TENM4: variants seen among roughly 807,000 people sequenced by gnomAD.
The protein encoded by TENM4 is teneurin-4.
Under a neutral mutation model 243.3 loss-of-function variants are expected in TENM4, and 82 were observed. The observed-to-expected ratio is 0.34, with a 90% confidence interval of 0.28 to 0.40. The LOEUF (loss-of-function observed/expected upper bound fraction) is 0.40. Among genes scored for constraint, TENM4 ranks in the 10% least tolerant of loss-of-function variants. TENM4 has a pLI of 1.00. For synonymous variants in TENM4, 1,412 were observed against 1,456.3 expected, an observed-to-expected ratio of 0.97 and a Z score of 0.69; for missense variants, 3,138 against 3,673.3, an observed-to-expected ratio of 0.85 and a Z score of 3.77.
intron 1 of TENM4, among the ~76,000 whole-genome samples, chr11:79,408,060 C>A (rs138409491): frequency 0.014 from 2,122 of 152,106 alleles, 17 homozygotes; most frequent in Middle Eastern, 0.024. Flanking sequence ...CCGGTCACCA[C>A]GCCCAGCTAA....
chr11:79,311,707 C>T (rs1459846581), intron 1 of TENM4, among the ~76,000 whole-genome samples: 1 of 152,088 alleles, frequency 6.6e-6, no homozygotes, highest in African/African-American at 2.4e-5. Context: ...ACATGGTGGC[C>T]ACCACACACG....
intron 4 of TENM4, among the ~76,000 whole-genome samples, chr11:79,143,498 G>A (rs1446790150): frequency 6.6e-6 from 1 of 151,900 alleles, no homozygotes; most frequent in African/African-American, 2.4e-5. Flanking sequence ...GACATAGGGT[G>A]GGGAACATCA....
chr11:78,736,598 A>T (rs991676364), intron 20 of TENM4, among the ~76,000 whole-genome samples: 1 of 152,034 alleles, frequency 6.6e-6, no homozygotes, highest in Non-Finnish European at 1.5e-5. Context: ...GCACACTGTT[A>T]TTTCCAGACT....
At chr11:79,162,426 G>GC (rs1862767858) in intron 3 of TENM4, among the ~76,000 whole-genome samples, 1 of 152,010 alleles carries the variant, frequency 6.6e-6, no homozygotes, top group Admixed American at 6.6e-5. Context: ...AAGTATTAAT[G>GC]CTTAACTAGT....
At chr11:78,736,355 CA>C (rs1274552347) in intron 20 of TENM4, among the ~76,000 whole-genome samples, 1 of 151,896 alleles carries the variant, frequency 6.6e-6, no homozygotes, top group Non-Finnish European at 1.5e-5. Context: ...CTCTATTTTC[CA>C]TTTTTTAAAT....
intron 3 of TENM4, among the ~76,000 whole-genome samples, chr11:79,198,779 C>A (rs1863685465): frequency 6.6e-6 from 1 of 152,310 alleles, no homozygotes; most frequent in East Asian, 1.9e-4. Context: ...GTGGCATTGT[C>A]CTGCCCTTGC....
At chr11:79,364,496 C>T (rs1253202598) in intron 1 of TENM4, among the ~76,000 whole-genome samples, 2 of 152,074 alleles carry the variant, frequency 1.3e-5, no homozygotes, top group East Asian at 1.9e-4. Flanking sequence ...CTAAAATCTC[C>T]GTAGGTATGG....
At chr11:79,331,089 G>A (rs565241246) in intron 1 of TENM4, among the ~76,000 whole-genome samples, 1 of 152,184 alleles carries the variant, frequency 6.6e-6, no homozygotes, top group Non-Finnish European at 1.5e-5. Flanking sequence ...CCCTCTTTAG[G>A]ATGAATGATT....
At chr11:78,959,165 C>T (rs367972147) in intron 6 of TENM4, among the ~76,000 whole-genome samples, 6 of 151,998 alleles carry the variant, frequency 3.9e-5, no homozygotes, top group African/African-American at 1.5e-4. Context: ...TCAATGAGCA[C>T]TAAATTAAAA....
intron 6 of TENM4, among the ~76,000 whole-genome samples, chr11:78,937,861 A>G (rs1024808366): frequency 6.6e-5 from 10 of 152,170 alleles, no homozygotes; most frequent in African/African-American, 2.4e-4. Context: ...CTGTCTACAA[A>G]GCTAACCTCC....
At chr11:79,425,973 CAT>C (rs1282108837) in intron 1 of TENM4, among the ~76,000 whole-genome samples, 1 of 152,180 alleles carries the variant, frequency 6.6e-6, no homozygotes, top group Non-Finnish European at 1.5e-5. Context: ...TGTGCACAAA[CAT>C]GTGCCAAAAT....
chr11:79,410,012 T>A (rs886371415), intron 1 of TENM4, among the ~76,000 whole-genome samples: 1 of 151,904 alleles, frequency 6.6e-6, no homozygotes, highest in Non-Finnish European at 1.5e-5. Context: ...GGGCCACACA[T>A]AAAATACACT....
chr11:79,296,124 G>A (rs973590839), intron 2 of TENM4, among the ~76,000 whole-genome samples: 3 of 152,076 alleles, frequency 2.0e-5, no homozygotes, highest in Admixed American at 1.3e-4. Context: ...AGACATTGAG[G>A]GAACCCTAGA....
At chr11:78,742,018 C>T (rs1013440377) in intron 19 of TENM4, among the ~76,000 whole-genome samples, 2 of 152,130 alleles carry the variant, frequency 1.3e-5, no homozygotes, top group African/African-American at 2.4e-5. Flanking sequence ...CTGTCACCAC[C>T]TCAGTAAGGT....
intron 3 of TENM4, among the ~76,000 whole-genome samples, chr11:79,202,313 G>A (rs1483840510): frequency 6.6e-6 from 1 of 152,186 alleles, no homozygotes; most frequent in Non-Finnish European, 1.5e-5. Context: ...ACATGCAGCT[G>A]TGCCTTTCTC....
chr11:79,003,043 C>T (rs946043763), intron 6 of TENM4, among the ~76,000 whole-genome samples: 1 of 152,062 alleles, frequency 6.6e-6, no homozygotes, highest in African/African-American at 2.4e-5. Flanking sequence ...TAGAATTAAC[C>T]AAGCTGAGAA....
intron 1 of TENM4, among the ~76,000 whole-genome samples, chr11:79,418,747 GT>G (rs1205676419): frequency 6.6e-6 from 1 of 152,190 alleles, no homozygotes; most frequent in Non-Finnish European, 1.5e-5. Context: ...GCTCTTGTAT[GT>G]CCCCTGTACA....
chr11:78,804,270 T>TTTG (rs886627863), intron 15 of TENM4, among the ~76,000 whole-genome samples: 8 of 152,156 alleles, frequency 5.3e-5, no homozygotes, highest in African/African-American at 1.9e-4. Flanking sequence ...TTATCTCCAT[T>TTTG]TTGTTGTTGT....
At chr11:79,025,260 G>GGAATGAATGAATGAAT (rs67342343) in intron 6 of TENM4, among the ~76,000 whole-genome samples, 1 of 150,900 alleles carries the variant, frequency 6.6e-6, no homozygotes, top group Non-Finnish European at 1.5e-5. Flanking sequence ...GCATAACACT[G>GGAATGAATGAATGAAT]GAATGAATGA....
Sources: allele counts gnomAD v4.1 joint callset (sites outside exome capture counted in the v4.1 genomes callset), GRCh38; gene constraint gnomAD v4.1.1; transcripts MANE v1.5; gene names NCBI Gene and HGNC (gene_info 2026-07-23, HGNC 2026-07-21).